The following OTOG variants were observed in gnomAD, a reference collection of about 807,000 sequenced individuals.
The protein encoded by OTOG is otogelin.
Under a neutral mutation model 313.8 loss-of-function variants are expected in OTOG, and 296 were observed. The observed-to-expected ratio is 0.94, with a 90% CI of 0.86 to 1.04. The LOEUF is 1.04. Among genes scored for constraint, OTOG ranks in the 50% least tolerant of loss-of-function variants. The pLI is 0.00. For missense variants in OTOG, 3,948 were observed against 3,840.1 expected, an observed-to-expected ratio of 1.03 and a Z score of -0.74; for synonymous variants, 1,533 against 1,554.9, an observed-to-expected ratio of 0.99 and a Z score of 0.33.
chr11:17,613,487 G>T (rs1190633649), intron 38 of OTOG, 125 bp from the exon 39 acceptor site: 1 of 777,778 alleles, frequency 1.3e-6, no homozygotes, highest in Admixed American at 2.3e-5. Flanking sequence ...CCAGCCTGAT[G>T]GGAGCCCCTG....
At chr11:17,579,057 C>T (rs1206816812) in intron 23 of OTOG, among the ~76,000 whole-genome samples, 2 of 152,240 alleles carry the variant, frequency 1.3e-5, no homozygotes, top group African/African-American at 2.4e-5. Context: ...CTGCGTGAGT[C>T]AGGCTCTGTG....
intron 54 of OTOG, 52 bp downstream of exon 54, chr11:17,643,558 G>A: frequency 3.9e-6 from 5 of 1,295,280 alleles, no homozygotes; most frequent in Non-Finnish European, 4.0e-6. Flanking sequence ...TGGGGGCACA[G>A]GGTGTCATGT....
At chr11:17,635,236 G>C in intron 46 of OTOG, 49 bp downstream of exon 46, 1 of 1,443,214 alleles carries the variant, frequency 6.9e-7, no homozygotes, top group Non-Finnish European at 9.3e-7. Flanking sequence ...ATCACAGTCC[G>C]CCGGCCTCAC....
At chr11:17,559,263 G>A in intron 11 of OTOG, 102 bp downstream of exon 11, 1 of 1,032,326 alleles carries the variant, frequency 9.7e-7, no homozygotes. Context: ...ACAGTTATCA[G>A]AACTCTCAGC....
chr11:17,621,608 C>T (rs1853866269), intron 39 of OTOG, among the ~76,000 whole-genome samples: 4 of 152,184 alleles, frequency 2.6e-5, no homozygotes, highest in Admixed American at 1.3e-4. Flanking sequence ...CTCTCTCTCT[C>T]TCTCTCTGTC....
At position 17,612,660 on chromosome 11, in the gene OTOG, C is replaced by G. The variant is rs1302668208; in HGVS notation, c.6333C>G (p.Phe2111Leu). The G allele has an allele frequency of 6.4e-7, 1 of 1,550,480 alleles. No homozygotes were observed. Among genetic ancestry groups the G allele is most frequent in the South Asian group, 1.2e-5 (1 of 84,056 alleles). ...TCCCTGACCTGAGCTTCGTGACCTTCGATGGGAGCCACGTAGCTCTGTTCA... is the reference window on the plus strand; with the variant it reads ...TCCCTGACCTGAGCTTCGTGACCTTGGATGGGAGCCACGTAGCTCTGTTCA... ...SIFPDLSFVTFDGSHVALFKE... is the reference protein window; with the variant it reads ...SIFPDLSFVTLDGSHVALFKE... Residue 2111 changes from phenylalanine (F) to leucine (L), a missense_variant, in exon 38 of 56, where the codon TTC becomes TTG. Phe to Leu is a conservative substitution (Grantham distance 22, BLOSUM62 0). Coordinates refer to ENST00000399397, the MANE Select transcript of OTOG (RefSeq NM_001292063.2).
intron 31 of OTOG, 49 bp downstream of exon 31, chr11:17,599,746 G>A: frequency 6.5e-7 from 1 of 1,539,304 alleles, no homozygotes; most frequent in South Asian, 1.2e-5. Context: ...GGCACTGCCA[G>A]CCCTGTCCTG....
chr11:17,609,604 C>T (rs1196073729), intron 35 of OTOG, 51 bp from the exon 36 acceptor site: 10 of 1,417,620 alleles, frequency 7.1e-6, no homozygotes, highest in South Asian at 2.9e-5. Flanking sequence ...AGCAATGACC[C>T]CCGGGGCAGC....
intron 20 of OTOG, among the ~76,000 whole-genome samples, chr11:17,576,051 A>G (rs1852516982): frequency 6.6e-6 from 1 of 152,248 alleles, no homozygotes; most frequent in Admixed American, 6.5e-5. Flanking sequence ...CCTGCGAAGA[A>G]TCAATGAGAT....
In OTOG at chr11:17,610,134, C is replaced by A; in HGVS notation, c.4834C>A (p.Arg1612Ser). The change falls in exon 36 of 56, where the codon CGC becomes AGC. Residue 1612 changes from arginine to serine, a missense_variant. By Grantham distance (110) the Arg-to-Ser change is moderately radical. Transcript: ENST00000399397. ...TVSSRSPPAP[R>S]FPLMTKAVTV... is the part of the protein sequence containing the mutation. ...CTCCTCCCGGTCGCCCCCTGCCCCTCGCTTCCCGCTCATGACCAAGGCTGT... is the reference window on the plus strand; with the variant it reads ...CTCCTCCCGGTCGCCCCCTGCCCCTAGCTTCCCGCTCATGACCAAGGCTGT... 1 of 1,550,626 alleles carries A rather than the reference C, an allele frequency of 6.4e-7. No homozygotes were observed. Among genetic ancestry groups the A allele is most frequent in the Non-Finnish European group, 8.7e-7 (1 of 1,146,968 alleles).
rs776393197 is a variant in OTOG, at chr11:17,574,706, C to G, written c.2294-14C>G. The G allele has an allele frequency of 9.0e-6, 14 of 1,547,498 alleles. No homozygotes were observed. The African/African-American group carries it at 1.5e-4, about 17-fold the overall frequency. On this transcript the variant is annotated splice_polypyrimidine_tract_variant and intron_variant, in intron 19 of 55. Coordinates refer to ENST00000399397, the MANE Select transcript of OTOG (RefSeq NM_001292063.2). ...GAGGGAGACAAAGCATGCACCACTCCCCCCTCACTGCAGCACTGTCCTGTG... is the reference window on the plus strand; with the variant it reads ...GAGGGAGACAAAGCATGCACCACTCGCCCCTCACTGCAGCACTGTCCTGTG...
intron 1 of OTOG, among the ~76,000 whole-genome samples, 151 bp from the exon 2 acceptor site, chr11:17,547,776 A>C (rs2133989748): frequency 1.3e-5 from 2 of 152,244 alleles, no homozygotes; most frequent in Non-Finnish European, 2.9e-5. Flanking sequence ...GTCATCAGGA[A>C]GGGAGAGAAA....
intron 19 of OTOG, 22 bp from the exon 20 acceptor site, chr11:17,574,698 C>A (rs774877554): frequency 2.6e-6 from 4 of 1,543,084 alleles, no homozygotes; most frequent in Non-Finnish European, 3.5e-6. Context: ...ACAAAGCATG[C>A]ACCACTCCCC....
At chr11:17,581,132 A>G (rs1852655166) in intron 23 of OTOG, among the ~76,000 whole-genome samples, 1 of 152,124 alleles carries the variant, frequency 6.6e-6, no homozygotes, top group Admixed American at 6.5e-5. Context: ...ACATGAATCT[A>G]CCTGAGCACC....
chr11:17,595,994 A>G, intron 28 of OTOG, 44 bp from the exon 29 acceptor site: 2 of 1,368,226 alleles, frequency 1.5e-6, no homozygotes, highest in South Asian at 1.2e-5. Flanking sequence ...GGCAACAGGC[A>G]TTTGGCAAGT....
intron 20 of OTOG, among the ~76,000 whole-genome samples, chr11:17,575,411 T>A (rs879529659): frequency 6.6e-6 from 1 of 152,148 alleles, no homozygotes; most frequent in South Asian, 2.1e-4. Context: ...GGTGTGTTAC[T>A]TGAGGTGGGC....
intron 10 of OTOG, among the ~76,000 whole-genome samples, 191 bp downstream of exon 10, chr11:17,558,835 A>G (rs1852112938): frequency 6.6e-6 from 1 of 152,256 alleles, no homozygotes; most frequent in Admixed American, 6.5e-5. Context: ...GGACCCCGTT[A>G]GGGTCACATA....
At chr11:17,599,004 C>A (rs533246596) in intron 30 of OTOG, among the ~76,000 whole-genome samples, 1 of 152,332 alleles carries the variant, frequency 6.6e-6, no homozygotes, top group South Asian at 2.1e-4. Context: ...CAGGTCTATC[C>A]GCCTGGCTCC....
chr11:17,607,392 G>A (rs949703291), intron 33 of OTOG, among the ~76,000 whole-genome samples: 1 of 152,168 alleles, frequency 6.6e-6, no homozygotes, highest in African/African-American at 2.4e-5. Context: ...CTGCCTCCAA[G>A]CCCCCCATAG....
Sources: gnomAD v4.1 joint callset for allele counts (sites outside exome capture counted in the v4.1 genomes callset) on GRCh38, gnomAD v4.1.1 for gene constraint, MANE v1.5 for transcripts, NCBI Gene and HGNC (gene_info 2026-07-23, HGNC 2026-07-21) for gene names.